The following WWOX variants were observed in gnomAD, a reference collection of about 807,000 sequenced individuals.
WWOX encodes WW domain-containing oxidoreductase.
WWOX carries 69 observed loss-of-function variants against 46.2 expected under a neutral mutation model. The ratio of observed to expected loss-of-function variants is 1.49; its 90% confidence interval spans 1.23 to 1.82. The LOEUF (loss-of-function observed/expected upper bound fraction) is 1.82, where lower values mean the gene tolerates loss of function less well. Ranked by LOEUF, WWOX falls within the 40% of genes most tolerant of loss-of-function variation. WWOX has a pLI of 0.00. For missense variants in WWOX, 919 were observed against 542.6 expected (o/e 1.69, Z -6.89); for synonymous variants, 359 against 202.6 (o/e 1.77, Z -6.56).
Position 78,122,355 on chromosome 16 carries a change from C to A in WWOX, c.409+7201C>A, listed in dbSNP as rs958889968. Among the ~76,000 whole-genome samples the A allele has an allele frequency of 3.3e-5, 5 of 152,090 alleles. No homozygotes were observed. The East Asian group carries it at 9.6e-4, about 29-fold the overall frequency. On this transcript the variant is annotated intron_variant, in intron 4 of 8. Transcript: ENST00000566780. The stretch of plus-strand genomic sequence containing the variant: ...TGCATGTAGGTTTAGATTTTAATTA[C>A]TTTTTTATGGTGTCAGCATAACAAA...
chr16:78,206,636 C>T (rs998687656), intron 5 of WWOX, among the ~76,000 whole-genome samples: 8 of 152,102 alleles, frequency 5.3e-5, no homozygotes, highest in African/African-American at 1.9e-4. Flanking sequence ...TGAAGGGGTT[C>T]TTGGTGAATA....
At chr16:78,557,214 A>T (rs370862078) in intron 8 of WWOX, among the ~76,000 whole-genome samples, 124 of 148,348 alleles carry the variant, frequency 8.4e-4, no homozygotes, top group African/African-American at 3.1e-3. Flanking sequence ...ACAGGGAAAG[A>T]CCAATTATCA....
chr16:78,503,658 C>T (rs532642889), intron 8 of WWOX: 2 of 152,096 alleles, frequency 1.3e-5, no homozygotes, highest in African/African-American at 2.4e-5. Context: ...GGTGCAAACA[C>T]TTACATGTGT....
chr16:78,257,513 A>G (rs1002855235), intron 5 of WWOX, among the ~76,000 whole-genome samples: 3 of 152,120 alleles, frequency 2.0e-5, no homozygotes, highest in Non-Finnish European at 4.4e-5. Flanking sequence ...AATATAAATC[A>G]CCAGCAAAAT....
intron 8 of WWOX, among the ~76,000 whole-genome samples, chr16:78,768,158 G>C (rs532222941): frequency 1.4e-4 from 6 of 43,088 alleles, no homozygotes; most frequent in Non-Finnish European, 3.2e-4. Context: ...GCTGCGGGGC[G>C]GGGGGGTCGG....
chr16:78,454,831 G>T (rs561211933), intron 8 of WWOX, among the ~76,000 whole-genome samples: 2 of 152,240 alleles, frequency 1.3e-5, no homozygotes, highest in South Asian at 4.1e-4. Flanking sequence ...ATGTGCCAAT[G>T]ATGACCCAGT....
intron 8 of WWOX, among the ~76,000 whole-genome samples, chr16:78,906,343 G>A (rs923058596): frequency 3.9e-5 from 6 of 152,166 alleles, no homozygotes; most frequent in Non-Finnish European, 7.3e-5. Context: ...GGCAAAGAAA[G>A]CCCGGCTGGA....
intron 8 of WWOX, among the ~76,000 whole-genome samples, chr16:78,438,955 A>T (rs2083389914): frequency 6.6e-6 from 1 of 152,226 alleles, no homozygotes; most frequent in Non-Finnish European, 1.5e-5. Context: ...AGGGTGATTT[A>T]TAGTTGTACA....
At chr16:78,660,856 A>G (rs2047193393) in intron 8 of WWOX, among the ~76,000 whole-genome samples, 1 of 152,172 alleles carries the variant, frequency 6.6e-6, no homozygotes, top group Non-Finnish European at 1.5e-5. Flanking sequence ...TTTGTTTATT[A>G]CCTACTTTTT....
chr16:79,084,355 A>G (rs58663315), intron 8 of WWOX, among the ~76,000 whole-genome samples: 24,233 of 152,168 alleles, frequency 0.16, 4,519 homozygotes, highest in African/African-American at 0.46. Context: ...AAGAACAACA[A>G]ATAATACCAG....
intron 8 of WWOX, among the ~76,000 whole-genome samples, chr16:78,798,410 AC>A (rs1385378674): frequency 6.6e-6 from 1 of 152,074 alleles, no homozygotes; most frequent in Non-Finnish European, 1.5e-5. Context: ...AAATGAAAAA[AC>A]TGGTGCGATG....
chr16:78,591,002 C>G (rs189607832), intron 8 of WWOX, among the ~76,000 whole-genome samples: 200 of 152,236 alleles, frequency 1.3e-3, no homozygotes, highest in Non-Finnish European at 2.4e-3. Context: ...GTACAAGGCG[C>G]TCAACTCACG....
At chr16:78,988,918 C>T (rs1332166875) in intron 8 of WWOX, among the ~76,000 whole-genome samples, 4 of 152,150 alleles carry the variant, frequency 2.6e-5, no homozygotes, top group Non-Finnish European at 4.4e-5. Flanking sequence ...GATACACGTG[C>T]TTCTTTTCAG....
chr16:78,435,333 C>T (rs531322460), intron 8 of WWOX, among the ~76,000 whole-genome samples: 48 of 152,200 alleles, frequency 3.2e-4, no homozygotes, highest in Non-Finnish European at 5.7e-4. Flanking sequence ...GCAGCAGCCT[C>T]TGCCGCACCC....
intron 8 of WWOX, among the ~76,000 whole-genome samples, chr16:78,959,339 G>A (rs1028547998): frequency 6.6e-6 from 1 of 152,220 alleles, no homozygotes; most frequent in African/African-American, 2.4e-5. Context: ...GCCAAGTGCT[G>A]TGCTTGGCCC....
intron 8 of WWOX, among the ~76,000 whole-genome samples, chr16:79,088,243 A>G (rs1297516148): frequency 6.6e-6 from 1 of 152,130 alleles, no homozygotes; most frequent in East Asian, 1.9e-4. Context: ...TTGGATCCCT[A>G]AGCACAGCCT....
At chr16:78,409,321 G>A (rs536433049) in intron 6 of WWOX, among the ~76,000 whole-genome samples, 3 of 152,256 alleles carry the variant, frequency 2.0e-5, no homozygotes, top group East Asian at 3.9e-4. Context: ...TCAAGATACA[G>A]AACAGTGCCA....
chr16:78,682,953 G>A (rs1027907290), intron 8 of WWOX, among the ~76,000 whole-genome samples: 5 of 152,082 alleles, frequency 3.3e-5, no homozygotes, highest in East Asian at 1.9e-4. Context: ...ATTTCCCCGC[G>A]TAAATGAATG....
intron 8 of WWOX, among the ~76,000 whole-genome samples, chr16:78,768,807 T>C (rs1044773112): frequency 2.0e-5 from 3 of 152,120 alleles, no homozygotes; most frequent in Non-Finnish European, 4.4e-5. Flanking sequence ...AAGTGAATAT[T>C]CACACCAGAA....
Sources: gnomAD v4.1 joint callset for allele counts (sites outside exome capture counted in the v4.1 genomes callset) on GRCh38, gnomAD v4.1.1 for gene constraint, MANE v1.5 for transcripts, NCBI Gene and HGNC (gene_info 2026-07-23, HGNC 2026-07-21) for gene names.